The following SLIT3 variants were observed in gnomAD, a reference collection of about 807,000 sequenced individuals.
The protein encoded by SLIT3 is slit homolog 3 protein.
SLIT3 carries 68 observed loss-of-function variants against 184.0 expected under a neutral mutation model. That is an observed-to-expected ratio of 0.37 (90% confidence interval 0.30 to 0.45). The LOEUF is 0.45. Ranked by LOEUF, SLIT3 falls within the 20% of genes least tolerant of loss-of-function variation. The pLI, the probability that SLIT3 is intolerant of heterozygous loss-of-function variation, is 1.00. For missense variants in SLIT3, 1,707 were observed against 2,026.0 expected, an observed-to-expected ratio of 0.84 and a Z score of 3.02; for synonymous variants, 831 against 828.6, an observed-to-expected ratio of 1.00 and a Z score of -0.05.
chr5:168,755,389 A>ATTTCTTTCTTTCTTTCTC (rs1754860916), intron 16 of SLIT3, among the ~76,000 whole-genome samples: 1 of 133,640 alleles, frequency 7.5e-6, no homozygotes, highest in South Asian at 2.8e-4. Context: ...CAGTGCCGCC[A>ATTTCTTTCTTTCTTTCTC]TTTCTTTCTT....
At chr5:168,929,354 A>G (rs1761920490) in intron 4 of SLIT3, among the ~76,000 whole-genome samples, 3 of 152,240 alleles carry the variant, frequency 2.0e-5, no homozygotes. Flanking sequence ...ACTGTGTTAA[A>G]CTTTTTATTT....
rs751746677 is a variant in SLIT3, at chr5:168,987,191, AT to A, written c.414-103856del. Among the ~76,000 whole-genome samples the A allele has an allele frequency of 1.8e-4, 28 of 152,182 alleles. 1 individual carries two copies. The highest frequency in any genetic ancestry group is 4.1e-4 in the South Asian group (2 of 4,828). On this transcript the variant is annotated intron_variant, in intron 4 of 35. Coordinates refer to ENST00000519560, the MANE Select transcript of SLIT3 (RefSeq NM_003062.4). The stretch of plus-strand genomic sequence containing the variant: ...AATCCCACCTTCCCCTTAACCTGGA[AT>A]CCTGACAACTCTAGTTCTCTCTCCC...
At position 168,934,707 on chromosome 5, in the gene SLIT3, T is replaced by C. The variant is rs9313429; in HGVS notation, c.414-51371A>G. On this transcript the variant is annotated intron_variant, in intron 4 of 35. Coordinates refer to ENST00000519560, the MANE Select transcript of SLIT3 (RefSeq NM_003062.4). ...AAAGGGGAGCACTTCTGCAAAGGTCTGGAGGCAAGAGAGGGTCTATTTTGG... is the reference window on the plus strand; with the variant it reads ...AAAGGGGAGCACTTCTGCAAAGGTCCGGAGGCAAGAGAGGGTCTATTTTGG... Among the ~76,000 whole-genome samples the C allele has an allele frequency of 9.3e-3, 1,423 of 152,254 alleles. 27 individuals are homozygous for C. The highest frequency in any genetic ancestry group is 0.033 in the African/African-American group (1,356 of 41,538).
chr5:168,672,023 C>T lies in SLIT3; in HGVS notation c.3842-540G>A, dbSNP rs569599779. ...GCTGCCTTATGTGCGGTGTACCCCT[C>T]TTCTCAGGATCTTCAAGAGACTGTT... is the stretch of plus-strand genomic sequence containing the variant. On this transcript the variant is annotated intron_variant, in intron 33 of 35. Transcript: ENST00000519560. Among the ~76,000 whole-genome samples, 26 of 152,302 alleles carry T rather than the reference C, an allele frequency of 1.7e-4. No homozygotes were observed. In the South Asian group the frequency reaches 5.4e-3, roughly 32 times the overall value.
intron 3 of SLIT3, among the ~76,000 whole-genome samples, chr5:169,198,891 C>A (rs1430764739): frequency 6.6e-6 from 1 of 151,672 alleles, no homozygotes; most frequent in African/African-American, 2.4e-5. Flanking sequence ...GAGATCACAC[C>A]ACTGCAAGCC....
At chr5:168,752,894 G>A in intron 18 of SLIT3, 61 bp downstream of exon 18, 1 of 1,526,476 alleles carries the variant, frequency 6.6e-7, no homozygotes, top group Non-Finnish European at 9.0e-7. Context: ...GGAGCTGGGA[G>A]GAGAGAGCGC....
chr5:169,186,186 G>T lies in SLIT3; in HGVS notation c.413+7293C>A, dbSNP rs567350211. ...AGAATATAACCATATTGGAGATCAG[G>T]TTGTTAAAGTGGCTATCAGGTTAAA... On this transcript the variant is annotated intron_variant, in intron 4 of 35. Transcript: ENST00000519560. Among the ~76,000 whole-genome samples, 6 of 152,238 alleles carry T rather than the reference G, an allele frequency of 3.9e-5. No homozygotes were observed. In the South Asian group the frequency reaches 1.2e-3, roughly 32 times the overall value.
chr5:169,194,601 G>A (rs1385584210), intron 3 of SLIT3, among the ~76,000 whole-genome samples: 2 of 152,008 alleles, frequency 1.3e-5, no homozygotes, highest in Non-Finnish European at 2.9e-5. Flanking sequence ...TCCAATATTA[G>A]AAGAAATTAA....
At chr5:169,141,477 T>C (rs917847713) in intron 4 of SLIT3, among the ~76,000 whole-genome samples, 1 of 152,052 alleles carries the variant, frequency 6.6e-6, no homozygotes, top group African/African-American at 2.4e-5. Flanking sequence ...TGGTGGCTCA[T>C]GCCTGTAATC....
chr5:169,060,923 T>C (rs1159415079), intron 4 of SLIT3, among the ~76,000 whole-genome samples: 1 of 152,134 alleles, frequency 6.6e-6, no homozygotes, highest in Non-Finnish European at 1.5e-5. Context: ...GGACCTTTAG[T>C]GGTATCCACA....
At chr5:169,148,389 C>T (rs1373161688) in intron 4 of SLIT3, among the ~76,000 whole-genome samples, 1 of 152,194 alleles carries the variant, frequency 6.6e-6, no homozygotes, top group Non-Finnish European at 1.5e-5. Context: ...ACAAAACGTC[C>T]ACACGGGCAG....
chr5:168,817,210 G>A (rs1434293097), intron 8 of SLIT3, 90 bp downstream of exon 8: 1 of 1,215,560 alleles, frequency 8.2e-7, no homozygotes, highest in South Asian at 1.3e-5. Flanking sequence ...TCTGGGCTAG[G>A]GTATGTGTTC....
Position 169,006,922 on chromosome 5 carries a change from G to A in SLIT3, c.414-123586C>T, listed in dbSNP as rs767896330. On this transcript the variant is annotated intron_variant, in intron 4 of 35. Coordinates refer to ENST00000519560, the MANE Select transcript of SLIT3 (RefSeq NM_003062.4). ...TGGTAAGCCAGGCTACTCTCATCAC[G>A]CAGCCCTGCCCACCCCACCCCCCAA... Among the ~76,000 whole-genome samples, 8 of 152,072 alleles carry A rather than the reference G, an allele frequency of 5.3e-5. No homozygotes were observed. In the East Asian group the frequency reaches 1.2e-3, roughly 22 times the overall value.
chr5:168,946,419 A>G (rs1163721072), intron 4 of SLIT3, among the ~76,000 whole-genome samples: 4 of 152,192 alleles, frequency 2.6e-5, no homozygotes, highest in Non-Finnish European at 5.9e-5. Flanking sequence ...CCAACCTCCC[A>G]AATGCCTGCA....
Position 168,683,968 on chromosome 5 carries a change from G to A in SLIT3, c.3684C>T (p.Tyr1228=). The change falls in exon 32 of 36, where the codon TAC becomes TAT. Residue 1228 remains tyrosine, a splice_region_variant and synonymous_variant. Transcript: ENST00000519560. ...TCAGGAGGGAGAGAGGCCCTTACCT[G>A]TACACTGTGGTTGGAGGGGAACTCA... ...DSLSSPPTTV[Y]SVETVNDGQF... 2.5e-6 allele frequency: 4 copies of A among 1,579,110 alleles called. No homozygotes were observed. The highest frequency in any genetic ancestry group is 3.4e-6 in the Non-Finnish European group (4 of 1,160,592).
At chr5:168,671,156 C>A in intron 34 of SLIT3, 42 bp downstream of exon 34, 1 of 1,583,148 alleles carries the variant, frequency 6.3e-7, no homozygotes, top group South Asian at 1.1e-5. Context: ...TGAGGCCATT[C>A]TGGGAGCTCG....
At chr5:168,965,059 C>T (rs571850646) in intron 4 of SLIT3, among the ~76,000 whole-genome samples, 3 of 152,288 alleles carry the variant, frequency 2.0e-5, no homozygotes, top group Admixed American at 6.5e-5. Flanking sequence ...TTAAATGGTG[C>T]ACCCTGGGCA....
At chr5:168,815,933 G>T (rs888288725) in intron 8 of SLIT3, among the ~76,000 whole-genome samples, 11 of 152,178 alleles carry the variant, frequency 7.2e-5, no homozygotes, top group Admixed American at 2.6e-4. Flanking sequence ...GTTTCCTCTT[G>T]CATGCCAACT....
At chr5:169,215,687 G>A (rs1440847698) in intron 3 of SLIT3, among the ~76,000 whole-genome samples, 1 of 152,150 alleles carries the variant, frequency 6.6e-6, no homozygotes, top group African/African-American at 2.4e-5. Flanking sequence ...GGCCCGATCA[G>A]AATGCTTTGT....
Sources: allele counts gnomAD v4.1 joint callset (sites outside exome capture counted in the v4.1 genomes callset), GRCh38; gene constraint gnomAD v4.1.1; transcripts MANE v1.5; gene names NCBI Gene and HGNC (gene_info 2026-07-23, HGNC 2026-07-21).